Variants in LDLRAD4 observed in about 807,000 individuals in gnomAD.
LDLRAD4 encodes the protein low-density lipoprotein receptor class A domain-containing protein 4.
In LDLRAD4, 5 loss-of-function variants were observed where a neutral mutation model predicts 17.0. The observed-to-expected ratio is 0.29, with a 90% CI of 0.15 to 0.62. The LOEUF (loss-of-function observed/expected upper bound fraction) is 0.62. Among genes scored for constraint, LDLRAD4 ranks in the 20% least tolerant of loss-of-function variants. The pLI, the probability that LDLRAD4 is intolerant of heterozygous loss-of-function variation, is 0.84. For synonymous variants in LDLRAD4, 168 were observed against 171.8 expected (o/e 0.98, Z 0.17); for missense variants, 340 against 424.7 (o/e 0.80, Z 1.75).
intron 1 of LDLRAD4, among the ~76,000 whole-genome samples, chr18:13,224,410 C>T (rs1370401805): frequency 6.6e-6 from 1 of 151,178 alleles, no homozygotes; most frequent in Non-Finnish European, 1.5e-5. Context: ...CACCAGCTGT[C>T]TCTTCACTCG....
chr18:13,239,137 A>G (rs2042492227), intron 1 of LDLRAD4, among the ~76,000 whole-genome samples: 1 of 149,992 alleles, frequency 6.7e-6, no homozygotes, highest in Non-Finnish European at 1.5e-5. Flanking sequence ...CAGTGAGCTG[A>G]GATCACACCA....
intron 3 of LDLRAD4, among the ~76,000 whole-genome samples, chr18:13,558,816 C>T (rs9947149): frequency 0.62 from 93,966 of 151,964 alleles, 29,273 homozygotes; most frequent in African/African-American, 0.68. Flanking sequence ...ACCTCTGCCA[C>T]CATTGCTTTC....
intron 1 of LDLRAD4, among the ~76,000 whole-genome samples, chr18:13,262,519 C>T (rs369842095): frequency 3.9e-3 from 138 of 34,976 alleles, no homozygotes; most frequent in East Asian, 0.012. Context: ...CCCGTGCGGC[C>T]CTGTGCGTGG....
At chr18:13,352,814 A>T (rs1470889947) in intron 1 of LDLRAD4, among the ~76,000 whole-genome samples, 1 of 151,638 alleles carries the variant, frequency 6.6e-6, no homozygotes, top group East Asian at 1.9e-4. Context: ...GTTTTAAATG[A>T]CTTGTCTTTA....
chr18:13,333,224 A>G (rs1195396780), intron 1 of LDLRAD4, among the ~76,000 whole-genome samples: 2 of 152,208 alleles, frequency 1.3e-5, no homozygotes, highest in Non-Finnish European at 2.9e-5. Flanking sequence ...TTGAGAGACT[A>G]TCTGTTAAAG....
chr18:13,286,485 C>T (rs1323087940), intron 1 of LDLRAD4, among the ~76,000 whole-genome samples: 1 of 152,234 alleles, frequency 6.6e-6, no homozygotes, highest in East Asian at 1.9e-4. Flanking sequence ...AATCTTCCTG[C>T]CTCAGCCTCC....
chr18:13,287,037 C>T (rs536279489), intron 1 of LDLRAD4, among the ~76,000 whole-genome samples: 20 of 152,206 alleles, frequency 1.3e-4, no homozygotes, highest in East Asian at 5.8e-4. Flanking sequence ...TGGCTGGATG[C>T]GTCTGGAGGG....
At chr18:13,223,376 A>C (rs985426545) in intron 1 of LDLRAD4, among the ~76,000 whole-genome samples, 1 of 152,116 alleles carries the variant, frequency 6.6e-6, no homozygotes, top group African/African-American at 2.4e-5. Context: ...CCCTCTGCAG[A>C]TGTGCTTCGA....
chr18:13,326,489 T>C (rs928784279), intron 1 of LDLRAD4, among the ~76,000 whole-genome samples: 1 of 152,228 alleles, frequency 6.6e-6, no homozygotes, highest in Non-Finnish European at 1.5e-5. Flanking sequence ...AAGCTTGTAA[T>C]AGACATGATC....
At chr18:13,331,576 T>C (rs2081868101) in intron 1 of LDLRAD4, among the ~76,000 whole-genome samples, 1 of 152,260 alleles carries the variant, frequency 6.6e-6, no homozygotes, top group African/African-American at 2.4e-5. Flanking sequence ...GTTTTGCATC[T>C]GGTGTTTATT....
At chr18:13,422,100 A>G (rs1278003850) in intron 2 of LDLRAD4, among the ~76,000 whole-genome samples, 2 of 152,256 alleles carry the variant, frequency 1.3e-5, no homozygotes, top group African/African-American at 4.8e-5. Flanking sequence ...TACTGAATTA[A>G]TAGCAATTTT....
intron 3 of LDLRAD4, among the ~76,000 whole-genome samples, chr18:13,517,211 C>A (rs1010810004): frequency 6.6e-6 from 1 of 152,178 alleles, no homozygotes; most frequent in African/African-American, 2.4e-5. Context: ...ATATGTATAA[C>A]CTATGTGTGA....
intron 3 of LDLRAD4, among the ~76,000 whole-genome samples, chr18:13,557,593 G>A (rs2094497239): frequency 6.6e-6 from 1 of 152,128 alleles, no homozygotes; most frequent in Non-Finnish European, 1.5e-5. Context: ...GTAGAGATGG[G>A]GTTTCACCGT....
chr18:13,567,582 G>C (rs1204541078), intron 3 of LDLRAD4, among the ~76,000 whole-genome samples: 1 of 152,168 alleles, frequency 6.6e-6, no homozygotes, highest in Admixed American at 6.5e-5. Flanking sequence ...CTGAAGATCT[G>C]AGACTATTAG....
intron 2 of LDLRAD4, among the ~76,000 whole-genome samples, chr18:13,413,980 A>C (rs16940477): frequency 0.062 from 9,396 of 152,084 alleles, 811 homozygotes; most frequent in African/African-American, 0.19. Context: ...CCCATACCCG[A>C]GGTTTTCTTG....
At chr18:13,499,980 A>G (rs34962355) in intron 3 of LDLRAD4, among the ~76,000 whole-genome samples, 1,788 of 152,262 alleles carry the variant, frequency 0.012, 19 homozygotes, top group Non-Finnish European at 0.019. Flanking sequence ...CCTCCTCTCC[A>G]GAGTGTTACC....
chr18:13,304,576 A>G (rs1320373476), intron 1 of LDLRAD4, among the ~76,000 whole-genome samples: 2 of 151,584 alleles, frequency 1.3e-5, no homozygotes, highest in Non-Finnish European at 2.9e-5. Flanking sequence ...GTTCTTTCAG[A>G]CTCCCCTGAG....
intron 3 of LDLRAD4, among the ~76,000 whole-genome samples, chr18:13,559,830 T>C (rs550904655): frequency 9.2e-5 from 14 of 152,256 alleles, no homozygotes; most frequent in African/African-American, 3.1e-4. Flanking sequence ...TGGCGGGAGA[T>C]CTCTGATGCC....
At chr18:13,553,957 C>T (rs572246633) in intron 3 of LDLRAD4, among the ~76,000 whole-genome samples, 1 of 152,194 alleles carries the variant, frequency 6.6e-6, no homozygotes, top group Non-Finnish European at 1.5e-5. Context: ...CCATCCAAGG[C>T]TCTCTGAGTG....
Sources: gnomAD v4.1 joint callset for allele counts (sites outside exome capture counted in the v4.1 genomes callset) on GRCh38, gnomAD v4.1.1 for gene constraint, MANE v1.5 for transcripts, NCBI Gene and HGNC (gene_info 2026-07-23, HGNC 2026-07-21) for gene names.